The following KCNAB1 variants were observed in gnomAD, a reference collection of about 807,000 sequenced individuals.
KCNAB1 encodes potassium voltage-gated channel subfamily A regulatory beta subunit 1.
Under a neutral mutation model 64.6 loss-of-function variants are expected in KCNAB1, and 35 were observed. That is an observed-to-expected ratio of 0.54 (90% CI 0.41 to 0.72). The LOEUF (loss-of-function observed/expected upper bound fraction) is 0.72. Ranked by LOEUF, KCNAB1 falls within the 30% of genes least tolerant of loss-of-function variation. The probability of loss-of-function intolerance (pLI) is 0.00; values close to 1 mark genes in which losing one functional copy is unlikely to be tolerated. For missense variants in KCNAB1, 401 were observed against 512.9 expected, an observed-to-expected ratio of 0.78 and a Z score of 2.11; for synonymous variants, 177 against 183.8, an observed-to-expected ratio of 0.96 and a Z score of 0.30.
At position 156,288,153 on chromosome 3, in the gene KCNAB1, A is replaced by T. The variant is rs561353877; in HGVS notation, c.276-133463A>T. Among the ~76,000 whole-genome samples the T allele has an allele frequency of 2.2e-3, 329 of 152,244 alleles. 3 individuals carry two copies. Among genetic ancestry groups the T allele is most frequent in the African/African-American group, 7.5e-3 (311 of 41,542 alleles). On this transcript the variant is annotated intron_variant, in intron 1 of 13. Coordinates refer to ENST00000490337, the MANE Select transcript of KCNAB1 (RefSeq NM_172160.3). ...CAGTCGTCTTCTCCTGTGCCTTCCC[A>T]TCGTCTTCACATATCTGTGTCCTAA...
At chr3:156,429,337 C>T (rs1716051509) in intron 2 of KCNAB1, among the ~76,000 whole-genome samples, 1 of 152,172 alleles carries the variant, frequency 6.6e-6, no homozygotes, top group African/African-American at 2.4e-5. Flanking sequence ...TGAGGCATTT[C>T]CAACTGGACT....
intron 1 of KCNAB1, among the ~76,000 whole-genome samples, chr3:156,346,957 T>A (rs1053265392): frequency 2.1e-5 from 3 of 145,602 alleles, no homozygotes; most frequent in African/African-American, 8.3e-5. Flanking sequence ...CCACCTCTCT[T>A]ACTGAGATAG....
chr3:156,526,079 A>G (rs867625219), intron 12 of KCNAB1, among the ~76,000 whole-genome samples: 6 of 152,046 alleles, frequency 3.9e-5, no homozygotes, highest in African/African-American at 1.4e-4. Flanking sequence ...TTTATACCAT[A>G]TTTTTACCAT....
chr3:156,479,958 T>A (rs1162313861), intron 8 of KCNAB1, among the ~76,000 whole-genome samples: 1 of 152,176 alleles, frequency 6.6e-6, no homozygotes, highest in Non-Finnish European at 1.5e-5. Context: ...AAAGCAGGCA[T>A]CTATGGATAT....
Position 156,436,797 on chromosome 3 carries a change from G to T in KCNAB1, c.319+15138G>T, listed in dbSNP as rs527471166. On this transcript the variant is annotated intron_variant, in intron 2 of 13. Transcript: ENST00000490337. ...TTCTTCTTGTAAATTTGTTTAAATT[G>T]CTTGTAGACTCTGGATATTAGACCT... Among the ~76,000 whole-genome samples the T allele has an allele frequency of 2.6e-5, 4 of 152,130 alleles. No individual in the cohort carries two copies. The East Asian group carries it at 5.8e-4, about 22-fold the overall frequency.
At chr3:156,490,115 C>G (rs1028735057) in intron 8 of KCNAB1, among the ~76,000 whole-genome samples, 1 of 152,048 alleles carries the variant, frequency 6.6e-6, no homozygotes, top group African/African-American at 2.4e-5. Context: ...AATAAAAAGA[C>G]TATGAGACTT....
Position 156,311,565 on chromosome 3 carries a change from G to A in KCNAB1, c.276-110051G>A, listed in dbSNP as rs372743153. On this transcript the variant is annotated intron_variant, in intron 1 of 13. Coordinates refer to ENST00000490337, the MANE Select transcript of KCNAB1 (RefSeq NM_172160.3). ...AGCAGAGGCATGGGGAGTGTGACAA[G>A]TTGCACCCATGCGCAGACCTGGGCC... Among the ~76,000 whole-genome samples the A allele has an allele frequency of 3.9e-5, 6 of 152,296 alleles. No individual in the cohort carries two copies. In the East Asian group the frequency reaches 7.7e-4, roughly 20 times the overall value.
intron 1 of KCNAB1, among the ~76,000 whole-genome samples, chr3:156,376,099 C>A (rs184771896): frequency 6.6e-6 from 1 of 152,226 alleles, no homozygotes; most frequent in African/African-American, 2.4e-5. Flanking sequence ...GGATTACAGG[C>A]GTGAACCACC....
chr3:156,243,834 A>T (rs2108452716), intron 1 of KCNAB1, among the ~76,000 whole-genome samples: 1 of 152,334 alleles, frequency 6.6e-6, no homozygotes, highest in African/African-American at 2.4e-5. Flanking sequence ...TAATCAGGGA[A>T]TGTGCCATCT....
At chr3:156,300,955 G>A (rs1274045365) in intron 1 of KCNAB1, among the ~76,000 whole-genome samples, 2 of 152,158 alleles carry the variant, frequency 1.3e-5, no homozygotes, top group African/African-American at 4.8e-5. Flanking sequence ...AAATGCAACT[G>A]TATATGACTG....
intron 1 of KCNAB1, among the ~76,000 whole-genome samples, chr3:156,352,866 G>A (rs1724949704): frequency 6.6e-6 from 1 of 152,200 alleles, no homozygotes; most frequent in African/African-American, 2.4e-5. Context: ...TCTGCCTCAG[G>A]GATTCTGCAC....
intron 1 of KCNAB1, among the ~76,000 whole-genome samples, chr3:156,318,039 A>G (rs972954990): frequency 3.3e-5 from 5 of 152,248 alleles, no homozygotes; most frequent in Non-Finnish European, 7.3e-5. Flanking sequence ...CATCTCCAGA[A>G]TAAAAAGCCA....
intron 2 of KCNAB1, among the ~76,000 whole-genome samples, chr3:156,438,709 A>G (rs1278393936): frequency 1.3e-5 from 2 of 152,172 alleles, no homozygotes; most frequent in African/African-American, 4.8e-5. Context: ...GACATATACT[A>G]TTGAAATCAT....
intron 1 of KCNAB1, among the ~76,000 whole-genome samples, chr3:156,183,209 G>C (rs1202430822): frequency 6.6e-6 from 1 of 152,090 alleles, no homozygotes; most frequent in East Asian, 1.9e-4. Context: ...AGAGAACCCC[G>C]GGAGGGAGAC....
chr3:156,128,609 G>T (rs11709514), intron 1 of KCNAB1, among the ~76,000 whole-genome samples: 80,045 of 151,926 alleles, frequency 0.53, 22,584 homozygotes, highest in Admixed American at 0.7. Context: ...CTACTTTCCT[G>T]TGAGGGAACG....
chr3:156,485,090 T>C (rs1442944735), intron 8 of KCNAB1, among the ~76,000 whole-genome samples: 2 of 152,166 alleles, frequency 1.3e-5, no homozygotes, highest in Non-Finnish European at 2.9e-5. Context: ...TTGTTACATA[T>C]GTTTACACTT....
At chr3:156,256,737 TACTTCCTACCATTTTTC>T in intron 1 of KCNAB1, among the ~76,000 whole-genome samples, 1 of 152,372 alleles carries the variant, frequency 6.6e-6, no homozygotes, top group African/African-American at 2.4e-5. Context: ...CCTCCAGATA[TACTTCCTACCATTTTTC>T]TACTCTGCTT....
intron 1 of KCNAB1, among the ~76,000 whole-genome samples, chr3:156,400,201 G>A (rs1365222129): frequency 1.3e-5 from 2 of 152,236 alleles, no homozygotes; most frequent in Non-Finnish European, 1.5e-5. Flanking sequence ...GCTTTAAAAT[G>A]TCTAAATTGC....
At chr3:156,279,133 C>G (rs930054703) in intron 1 of KCNAB1, among the ~76,000 whole-genome samples, 23 of 147,626 alleles carry the variant, frequency 1.6e-4, no homozygotes, top group Non-Finnish European at 2.7e-4. Context: ...CACCCCACAA[C>G]AGTCCCCAGA....
Sources: allele counts gnomAD v4.1 joint callset (sites outside exome capture counted in the v4.1 genomes callset), GRCh38; gene constraint gnomAD v4.1.1; transcripts MANE v1.5; gene names NCBI Gene and HGNC (gene_info 2026-07-23, HGNC 2026-07-21).